Variants in PRKAA2 observed in about 807,000 individuals in gnomAD.
PRKAA2 encodes the protein protein kinase AMP-activated catalytic subunit alpha 2.
Under a neutral mutation model 56.3 loss-of-function variants are expected in PRKAA2, and 40 were observed. The observed-to-expected ratio is 0.71, with a 90% CI of 0.55 to 0.92. The LOEUF (loss-of-function observed/expected upper bound fraction) is 0.92. PRKAA2 is among the 40% of genes least tolerant of loss of function. The pLI, the probability that PRKAA2 is intolerant of heterozygous loss-of-function variation, is 0.00. For synonymous variants in PRKAA2, 214 were observed against 234.2 expected (o/e 0.91, Z 0.79); for missense variants, 542 against 686.9 (o/e 0.79, Z 2.36).
intron 2 of PRKAA2, among the ~76,000 whole-genome samples, chr1:56,679,669 G>T (rs546130385): frequency 1.3e-5 from 2 of 152,074 alleles, no homozygotes; most frequent in African/African-American, 4.8e-5. Context: ...CCTCTGCTTG[G>T]AATACTTTAT....
intron 1 of PRKAA2, among the ~76,000 whole-genome samples, chr1:56,653,272 A>AAT (rs1287717957): frequency 2.7e-5 from 4 of 149,592 alleles, no homozygotes; most frequent in Non-Finnish European, 4.4e-5. Context: ...AGATATATAT[A>AAT]ATATATATAT....
chr1:56,682,633 T>C (rs976528722), intron 2 of PRKAA2, among the ~76,000 whole-genome samples: 2 of 152,144 alleles, frequency 1.3e-5, no homozygotes, highest in East Asian at 3.9e-4. Context: ...TAGGAACTTT[T>C]GGAGAGTTGG....
chr1:56,711,114 A>G lies in PRKAA2; in HGVS notation c.*3401A>G, dbSNP rs1644366363. 6.6e-6 allele frequency: 1 copy of G among 152,114 alleles called. No individual in the cohort carries two copies. Among genetic ancestry groups the G allele is most frequent in the Admixed American group, 6.6e-5 (1 of 15,264 alleles). 9.4% of individuals were successfully genotyped at this position (152,114 alleles called of 1,614,324 possible). A position where few individuals can be genotyped will look rare whatever the true frequency, so the allele number is the denominator to read the frequency against. On this transcript the variant is annotated 3_prime_UTR_variant, in exon 9 of 9. Transcript: ENST00000371244. ...CTATAAAGAGAATCCAGAAGGCTAA[A>G]TTAATCAGAAATAATTATATTTCTA...
intron 6 of PRKAA2, among the ~76,000 whole-genome samples, chr1:56,700,263 C>T (rs1644285552): frequency 6.6e-6 from 1 of 152,114 alleles, no homozygotes; most frequent in African/African-American, 2.4e-5. Context: ...TAACAATTTC[C>T]TTAAATGCCC....
chr1:56,680,916 C>T (rs931390109), intron 2 of PRKAA2, among the ~76,000 whole-genome samples: 6 of 152,158 alleles, frequency 3.9e-5, no homozygotes, highest in African/African-American at 1.4e-4. Context: ...AGTTCTAGAT[C>T]CTTGAGGAAT....
chr1:56,704,626 G>A, intron 7 of PRKAA2, 151 bp downstream of exon 7: 1 of 914,756 alleles, frequency 1.1e-6, no homozygotes, highest in Non-Finnish European at 1.6e-6. Context: ...CTATAAGGAT[G>A]AAAAGTGGTT....
chr1:56,658,854 C>T (rs957168140), intron 1 of PRKAA2, among the ~76,000 whole-genome samples: 7 of 152,006 alleles, frequency 4.6e-5, no homozygotes, highest in African/African-American at 1.7e-4. Flanking sequence ...ATTCTTGTAC[C>T]TCAGCCTCTG....
intron 1 of PRKAA2, among the ~76,000 whole-genome samples, chr1:56,667,252 G>A (rs1315038118): frequency 6.6e-6 from 1 of 151,944 alleles, no homozygotes; most frequent in East Asian, 1.9e-4. Flanking sequence ...CTTGCCCCCA[G>A]TGTTTTTTTC....
At chr1:56,671,521 G>A (rs1644076857) in intron 1 of PRKAA2, 2 of 152,184 alleles carry the variant, frequency 1.3e-5, no homozygotes, top group Non-Finnish European at 2.9e-5. Flanking sequence ...AAGTTATATT[G>A]CTTGAACTTG....
rs558019009 is a variant in PRKAA2 at position 56,645,814 on chromosome 1, G to A, written c.94+333G>A. Among the ~76,000 whole-genome samples the A allele has an allele frequency of 3.3e-5, 5 of 152,274 alleles. No individual in the cohort carries two copies. In the South Asian group the frequency reaches 1.0e-3, roughly 32 times the overall value. On this transcript the variant is annotated intron_variant, in intron 1 of 8. Coordinates refer to ENST00000371244, the MANE Select transcript of PRKAA2 (RefSeq NM_006252.4). The stretch of plus-strand genomic sequence containing the variant: ...TCAGTGTCCTCCTCTGCAAAATCGG[G>A]AGAACTGGACTCGTTCTGCGAGGCG...
intron 2 of PRKAA2, among the ~76,000 whole-genome samples, chr1:56,677,377 G>C (rs1043911756): frequency 1.3e-5 from 2 of 152,160 alleles, no homozygotes; most frequent in African/African-American, 4.8e-5. Flanking sequence ...TCCCCACTGA[G>C]TGTCCACTTC....
intron 2 of PRKAA2, among the ~76,000 whole-genome samples, chr1:56,677,916 C>T (rs1644125241): frequency 6.6e-6 from 1 of 152,196 alleles, no homozygotes; most frequent in African/African-American, 2.4e-5. Flanking sequence ...CGCAGCCTCC[C>T]AAAGTGCTGA....
At chr1:56,668,452 C>T (rs1644051647) in intron 1 of PRKAA2, among the ~76,000 whole-genome samples, 1 of 151,266 alleles carries the variant, frequency 6.6e-6, no homozygotes, top group Admixed American at 6.6e-5. Context: ...GCACCTTGTC[C>T]AGTGGAGCAT....
intron 2 of PRKAA2, among the ~76,000 whole-genome samples, chr1:56,689,911 C>G (rs200954043): frequency 0.057 from 8,618 of 150,136 alleles, 400 homozygotes; most frequent in African/African-American, 0.12. Context: ...CACACACACA[C>G]ACACACACAC....
At chr1:56,648,857 T>C (rs569088726) in intron 1 of PRKAA2, among the ~76,000 whole-genome samples, 4 of 152,360 alleles carry the variant, frequency 2.6e-5, no homozygotes, top group South Asian at 2.1e-4. Flanking sequence ...TGTATTTTCA[T>C]TGATGGAATG....
intron 5 of PRKAA2, among the ~76,000 whole-genome samples, chr1:56,695,402 G>T (rs1644252990): frequency 6.6e-6 from 1 of 151,690 alleles, no homozygotes; most frequent in Non-Finnish European, 1.5e-5. Context: ...TGTTGCCCAG[G>T]CTGGCCTCAA....
At chr1:56,667,673 T>C (rs1644045903) in intron 1 of PRKAA2, among the ~76,000 whole-genome samples, 1 of 152,124 alleles carries the variant, frequency 6.6e-6, no homozygotes, top group Non-Finnish European at 1.5e-5. Context: ...CATACAGTCA[T>C]TAAAAGCTTA....
At chr1:56,705,797 A>G (rs1403574302) in intron 7 of PRKAA2, among the ~76,000 whole-genome samples, 1 of 152,198 alleles carries the variant, frequency 6.6e-6, no homozygotes, top group African/African-American at 2.4e-5. Flanking sequence ...ATGCTTATCT[A>G]GAGTGAAAGC....
chr1:56,703,743 G>A (rs1456940356), intron 6 of PRKAA2, among the ~76,000 whole-genome samples: 1 of 152,124 alleles, frequency 6.6e-6, no homozygotes, highest in Non-Finnish European at 1.5e-5. Context: ...CGATGGGCTT[G>A]CTTTTTTCAT....
Sources: allele counts gnomAD v4.1 joint callset (sites outside exome capture counted in the v4.1 genomes callset), GRCh38; gene constraint gnomAD v4.1.1; transcripts MANE v1.5; gene names NCBI Gene and HGNC (gene_info 2026-07-23, HGNC 2026-07-21).